Variants in PTPN11 observed in about 807,000 individuals in gnomAD.
PTPN11 encodes the protein protein tyrosine phosphatase non-receptor type 11.
In PTPN11, 6 loss-of-function variants were observed where a neutral mutation model predicts 78.8. That is an observed-to-expected ratio of 0.08 (90% CI 0.04 to 0.15). The LOEUF (loss-of-function observed/expected upper bound fraction) is 0.15, where lower values mean the gene tolerates loss of function less well. Ranked by LOEUF, PTPN11 falls within the 10% of genes least tolerant of loss-of-function variation. The pLI is 1.00. For synonymous variants in PTPN11, 221 were observed against 263.5 expected (o/e 0.84, Z 1.56); for missense variants, 386 against 744.8 (o/e 0.52, Z 5.61).
chr12:112,432,334 C>CA lies in PTPN11; in HGVS notation c.14+13210dup, dbSNP rs370595495. On this transcript the variant is annotated intron_variant, in intron 1 of 15. Coordinates refer to ENST00000351677, the MANE Select transcript of PTPN11 (RefSeq NM_002834.5). ...AGTCATTTGCCACATAATGATGGTT[C>CA]AGTTGATGATGGACGGCATACATAA... Among the ~76,000 whole-genome samples the CA allele has an allele frequency of 1.9e-3, 290 of 152,174 alleles. 2 individuals carry two copies. Among genetic ancestry groups the CA allele is most frequent in the African/African-American group, 6.6e-3 (276 of 41,506 alleles).
At chr12:112,494,180 G>A (rs913098352) in intron 13 of PTPN11, among the ~76,000 whole-genome samples, 2 of 152,198 alleles carry the variant, frequency 1.3e-5, no homozygotes, top group African/African-American at 2.4e-5. Flanking sequence ...CTTGAACCCG[G>A]GAGGCGGAGG....
intron 13 of PTPN11, among the ~76,000 whole-genome samples, chr12:112,491,091 C>T (rs1308845703): frequency 6.6e-6 from 1 of 151,966 alleles, no homozygotes; most frequent in Non-Finnish European, 1.5e-5. Context: ...GGGTGAAGAG[C>T]TGTGGAGAAG....
chr12:112,495,852 C>T (rs1485357842), intron 13 of PTPN11, among the ~76,000 whole-genome samples: 1 of 152,086 alleles, frequency 6.6e-6, no homozygotes, highest in African/African-American at 2.4e-5. Flanking sequence ...GAATGAAAAA[C>T]AGAAGGGTTG....
intron 14 of PTPN11, among the ~76,000 whole-genome samples, 178 bp downstream of exon 14, chr12:112,502,434 A>G (rs1472797854): frequency 6.6e-6 from 1 of 152,188 alleles, no homozygotes; most frequent in Non-Finnish European, 1.5e-5. Flanking sequence ...TGTTAATGCT[A>G]TCTCAACCAC....
intron 6 of PTPN11, among the ~76,000 whole-genome samples, chr12:112,472,632 A>T (rs558688769): frequency 6.7e-6 from 1 of 149,824 alleles, no homozygotes; most frequent in African/African-American, 2.5e-5. Flanking sequence ...TCACCCTCCC[A>T]CGTAGCTGGG....
At chr12:112,437,407 C>T (rs898963702) in intron 1 of PTPN11, among the ~76,000 whole-genome samples, 2 of 151,978 alleles carry the variant, frequency 1.3e-5, no homozygotes, top group South Asian at 4.1e-4. Context: ...GTGATCCACC[C>T]GCCTTGGCCT....
chr12:112,471,233 G>A (rs1349471484), intron 6 of PTPN11, among the ~76,000 whole-genome samples: 1 of 152,120 alleles, frequency 6.6e-6, no homozygotes, highest in African/African-American at 2.4e-5. Context: ...GTTTTTCCTT[G>A]TAGGACTCTT....
rs2037921215 is a variant in PTPN11 at position 112,442,848 on chromosome 12, AT to A, written c.15-3427del. On this transcript the variant is annotated intron_variant, in intron 1 of 15. Coordinates refer to ENST00000351677, the MANE Select transcript of PTPN11 (RefSeq NM_002834.5). Reference sequence around the variant, plus strand: ...TCTCTTTTTATATATATATATATATATATATATATATATATATATATATATA... The same window carrying A: ...TCTCTTTTTATATATATATATATATAATATATATATATATATATATATATA... 2.5e-4 allele frequency among the ~76,000 whole-genome samples: 17 copies of A among 68,026 alleles called. 2 individuals are homozygous for A. In the East Asian group the frequency reaches 0.044, roughly 177 times the overall value. The allele number at this position is 68,026 out of a possible 152,430, so 44.6% of individuals were successfully genotyped here.
chr12:112,489,211 C>A, intron 13 of PTPN11, 36 bp downstream of exon 13: 1 of 1,612,698 alleles, frequency 6.2e-7, no homozygotes, highest in Non-Finnish European at 8.5e-7. Flanking sequence ...GATTCTCATT[C>A]TCTTGCTAGG....
chr12:112,494,757 C>G (rs2038793144), intron 13 of PTPN11, among the ~76,000 whole-genome samples: 1 of 152,212 alleles, frequency 6.6e-6, no homozygotes, highest in Non-Finnish European at 1.5e-5. Flanking sequence ...TGAGTTCCCT[C>G]TTTCTAAAAC....
In PTPN11 at chr12:112,482,858, C is replaced by T. The variant is rs1389267183; in HGVS notation, c.1224+653C>T. ...GCGGACAGTGGTGCTGTGGCAGACA[C>T]CACAAAAGCTGGAAGGAGAACTGAT... On this transcript the variant is annotated intron_variant, in intron 10 of 15. Transcript: ENST00000351677. The surrounding 1 kb of genome is among the most constrained non-coding windows in gnomAD (Gnocchi z 4.4). 6.6e-6 allele frequency among the ~76,000 whole-genome samples: 1 copy of T among 152,116 alleles called. No homozygotes were observed. The highest frequency in any genetic ancestry group is 1.5e-5 in the Non-Finnish European group (1 of 68,028).
At chr12:112,475,501 T>C (rs572238869) in intron 7 of PTPN11, among the ~76,000 whole-genome samples, 33 of 152,234 alleles carry the variant, frequency 2.2e-4, no homozygotes, top group Non-Finnish European at 4.6e-4. Context: ...GCAATCCTCC[T>C]GCTTTGGCTT....
At chr12:112,458,682 C>T (rs2038201057) in intron 6 of PTPN11, among the ~76,000 whole-genome samples, 1 of 152,124 alleles carries the variant, frequency 6.6e-6, no homozygotes, top group Admixed American at 6.6e-5. Flanking sequence ...GGGTTACTGC[C>T]TTTAAAGGGA....
At chr12:112,463,604 C>G (rs1378747366) in intron 6 of PTPN11, among the ~76,000 whole-genome samples, 1 of 152,142 alleles carries the variant, frequency 6.6e-6, no homozygotes, top group African/African-American at 2.4e-5. Context: ...AAATGCTGAC[C>G]TGGTGATTTT....
At chr12:112,449,116 A>G (rs1441703005) in intron 2 of PTPN11, among the ~76,000 whole-genome samples, 1 of 148,590 alleles carries the variant, frequency 6.7e-6, no homozygotes, top group African/African-American at 2.5e-5. Context: ...CGGTCTGCTG[A>G]CCTCAGGTGA....
intron 1 of PTPN11, among the ~76,000 whole-genome samples, chr12:112,427,423 G>A (rs1481714663): frequency 2.6e-5 from 4 of 151,582 alleles, no homozygotes; most frequent in Non-Finnish European, 5.9e-5. Context: ...GTGGGTGCCT[G>A]TAGTCCCAGC....
intron 7 of PTPN11, among the ~76,000 whole-genome samples, chr12:112,475,177 T>G (rs1423604106): frequency 2.0e-5 from 3 of 152,158 alleles, no homozygotes; most frequent in South Asian, 2.1e-4. Flanking sequence ...TTAGCAAGGT[T>G]ATAAGTGAAG....
At chr12:112,425,709 T>G (rs1272488222) in intron 1 of PTPN11, among the ~76,000 whole-genome samples, 1 of 152,090 alleles carries the variant, frequency 6.6e-6, no homozygotes, top group Non-Finnish European at 1.5e-5. Flanking sequence ...AAATTAGACT[T>G]TGGATCCCTA....
Position 112,493,479 on chromosome 12 carries a change from G to A in PTPN11, c.1599+4304G>A, listed in dbSNP as rs186394015. On this transcript the variant is annotated intron_variant, in intron 13 of 15. Transcript: ENST00000351677. Reference sequence around the variant, plus strand: ...GCCACACTGGAACCTCTGCCTCCTGGGTTCATTCAGGTGCTTCTCCCACCT... The same window carrying A: ...GCCACACTGGAACCTCTGCCTCCTGAGTTCATTCAGGTGCTTCTCCCACCT... Among the ~76,000 whole-genome samples, 114 of 151,168 alleles carry A rather than the reference G, an allele frequency of 7.5e-4. 1 individual carries two copies. Among genetic ancestry groups the A allele is most frequent in the South Asian group, 3.1e-3 (15 of 4,770 alleles).
Sources: allele counts gnomAD v4.1 joint callset (sites outside exome capture counted in the v4.1 genomes callset), GRCh38; gene constraint gnomAD v4.1.1; non-coding constraint Gnocchi (gnomAD v3.1); transcripts MANE v1.5; gene names NCBI Gene and HGNC (gene_info 2026-07-23, HGNC 2026-07-21).